Variants in QRICH1 observed in about 807,000 individuals in gnomAD.
QRICH1 encodes transcriptional regulator QRICH1.
A neutral mutation model predicts 87.1 loss-of-function variants in QRICH1; 16 were observed. That is an observed-to-expected ratio of 0.18 (90% CI 0.12 to 0.28). QRICH1 has a LOEUF of 0.28. Among genes scored for constraint, QRICH1 ranks in the 10% least tolerant of loss-of-function variants. The pLI is 1.00. For missense variants in QRICH1, 647 were observed against 951.7 expected (o/e 0.68, Z 4.21); for synonymous variants, 367 against 368.4 (o/e 1.00, Z 0.05).
chr3:49,034,079 T>TTTATTATTATTATTATTATTATTATTA (rs10691654), intron 6 of QRICH1, among the ~76,000 whole-genome samples: 2 of 147,184 alleles, frequency 1.4e-5, no homozygotes, highest in African/African-American at 5.0e-5. Context: ...TTTGGGGGAT[T>TTTATTATTATTATTATTATTATTATTA]TTATTATTAT....
In QRICH1 at chr3:49,029,962, T is replaced by TGAAGTTCCC. The variant is rs1365810517; in HGVS notation, c.*481_*489dup. ...GAAATTGTCTTTAATAAATCATAATTGAAGTTCCCCTCATTTTTCTTCCAT... is the reference window on the plus strand; with the variant it reads ...GAAATTGTCTTTAATAAATCATAATTGAAGTTCCCGAAGTTCCCCTCATTTTTCTTCCAT... On this transcript the variant is annotated 3_prime_UTR_variant, in exon 10 of 10. Coordinates refer to ENST00000395443, the MANE Select transcript of QRICH1 (RefSeq NM_198880.3). 2 of 185,494 alleles carry TGAAGTTCCC rather than the reference T, an allele frequency of 1.1e-5. No individual in the cohort carries two copies. The highest frequency in any genetic ancestry group is 2.2e-5 in the Non-Finnish European group (2 of 89,454). The allele number at this position is 185,494 out of a possible 1,614,324, so 11.5% of individuals were successfully genotyped here.
At chr3:49,043,496 CAAAAAAAAAAAAA>C (rs57402124) in intron 6 of QRICH1, among the ~76,000 whole-genome samples, 1 of 37,620 alleles carries the variant, frequency 2.7e-5, no homozygotes, top group African/African-American at 1.2e-4. Context: ...AACTCTGTCT[CAAAAAAAAAAAAA>C]AAAAAAAAAA....
At chr3:49,044,032 G>A (rs1282068576) in intron 6 of QRICH1, among the ~76,000 whole-genome samples, 2 of 152,192 alleles carry the variant, frequency 1.3e-5, no homozygotes, top group African/African-American at 4.8e-5. Context: ...AATAGAACAT[G>A]CTGTCCAGAA....
intron 3 of QRICH1, among the ~76,000 whole-genome samples, chr3:49,052,295 A>G (rs1575342341): frequency 6.6e-6 from 1 of 152,284 alleles, no homozygotes; most frequent in East Asian, 1.9e-4. Flanking sequence ...TTTCTGAGAC[A>G]AGGAAGTTTG....
chr3:49,050,869 T>C (rs2093366515), intron 3 of QRICH1, among the ~76,000 whole-genome samples: 1 of 152,106 alleles, frequency 6.6e-6, no homozygotes, highest in Non-Finnish European at 1.5e-5. Flanking sequence ...GAGTGACCCA[T>C]GCAGACATCC....
intron 1 of QRICH1, 51 bp downstream of exon 1, chr3:49,093,861 C>A (rs1336191324): frequency 2.6e-6 from 1 of 380,244 alleles, no homozygotes; most frequent in Non-Finnish European, 4.7e-6. Flanking sequence ...GTGGGCCCCC[C>A]GTCTCAGGCC....
At chr3:49,065,779 C>T (rs1423286464) in intron 2 of QRICH1, among the ~76,000 whole-genome samples, 1 of 151,734 alleles carries the variant, frequency 6.6e-6, no homozygotes, top group African/African-American at 2.4e-5. Flanking sequence ...TTCCCGGGTT[C>T]ACGCCATTCT....
intron 6 of QRICH1, among the ~76,000 whole-genome samples, chr3:49,038,066 GA>G (rs1288377412): frequency 5.3e-5 from 8 of 151,196 alleles, no homozygotes; most frequent in Non-Finnish European, 7.4e-5. Context: ...ATAAAGGGTA[GA>G]TTTTTTTTTT....
Position 49,068,878 on chromosome 3 carries a change from A to T in QRICH1, c.309+7831T>A, listed in dbSNP as rs1208899080. On this transcript the variant is annotated intron_variant, in intron 2 of 9. Coordinates refer to ENST00000395443, the MANE Select transcript of QRICH1 (RefSeq NM_198880.3). ...ACTCCTGAGCTCAAGCAATCCACTC[A>T]CCTTGGCCTCCCAAAATGCTGGGAT... Among the ~76,000 whole-genome samples, 4 of 151,414 alleles carry T rather than the reference A, an allele frequency of 2.6e-5. No homozygotes were observed. The East Asian group carries it at 7.8e-4, about 30-fold the overall frequency.
At chr3:49,032,106 G>C in intron 9 of QRICH1, 77 bp downstream of exon 9, 1 of 1,183,334 alleles carries the variant, frequency 8.5e-7, no homozygotes, top group Non-Finnish European at 1.3e-6. Context: ...CCTATGATAA[G>C]TGATCACACA....
rs2042330922 is a variant in QRICH1 at position 49,093,926 on chromosome 3, G to A, written c.-36C>T. The stretch of plus-strand genomic sequence containing the variant: ...GGAGCCCTCACCCGGCGACGTCACT[G>A]CCGCCGCCGCCGCCGCCTCCGCTGC... On this transcript the variant is annotated 5_prime_UTR_variant, in exon 1 of 10. Coordinates refer to ENST00000395443, the MANE Select transcript of QRICH1 (RefSeq NM_198880.3). 4 of 365,932 alleles carry A rather than the reference G, an allele frequency of 1.1e-5. No individual in the cohort carries two copies. The highest frequency in any genetic ancestry group is 4.0e-5 in the East Asian group (1 of 25,188). 22.7% of individuals were successfully genotyped at this position (365,932 alleles called of 1,614,324 possible).
chr3:49,088,645 A>T, intron 1 of QRICH1, among the ~76,000 whole-genome samples: 1 of 133,320 alleles, frequency 7.5e-6, no homozygotes, highest in South Asian at 2.5e-4. Flanking sequence ...TTTTTTAATG[A>T]GACAAGGTCT....
intron 3 of QRICH1, among the ~76,000 whole-genome samples, chr3:49,056,339 G>A (rs2093402415): frequency 6.6e-6 from 1 of 152,092 alleles, no homozygotes; most frequent in Non-Finnish European, 1.5e-5. Flanking sequence ...GCCTCCCAAT[G>A]GTGATCACTT....
chr3:49,055,821 G>T lies in QRICH1; in HGVS notation c.1338+1041C>A, dbSNP rs542679192. ...CTGAGTAGGATTACCTGGGATTATA[G>T]GTGTGTGCCACCACACCCGGCTAAT... On this transcript the variant is annotated intron_variant, in intron 3 of 9. Transcript: ENST00000395443. Among the ~76,000 whole-genome samples, 300 of 151,426 alleles carry T rather than the reference G, an allele frequency of 2.0e-3. 2 individuals are homozygous for T. Among genetic ancestry groups the T allele is most frequent in the Admixed American group, 0.011 (173 of 15,174 alleles).
intron 3 of QRICH1, among the ~76,000 whole-genome samples, chr3:49,056,075 A>C (rs2093400626): frequency 6.6e-6 from 1 of 152,090 alleles, no homozygotes; most frequent in Non-Finnish European, 1.5e-5. Flanking sequence ...TCCTGGGTTC[A>C]AGTGATTCTC....
intron 2 of QRICH1, among the ~76,000 whole-genome samples, chr3:49,069,543 ATTTT>A (rs372639913): frequency 8.1e-6 from 1 of 122,792 alleles, no homozygotes; most frequent in Non-Finnish European, 1.6e-5. Context: ...ATGGGGGGGA[ATTTT>A]TTTTTTTTTT....
intron 2 of QRICH1, among the ~76,000 whole-genome samples, chr3:49,063,523 T>C (rs144594769): frequency 1.3e-5 from 2 of 152,338 alleles, no homozygotes; most frequent in Admixed American, 1.3e-4. Context: ...GGCATCGTGG[T>C]CATGCCTGTA....
At position 49,033,082 on chromosome 3, in the gene QRICH1, T is replaced by C. The variant is rs377085196; in HGVS notation, c.1895+38A>G. The stretch of plus-strand genomic sequence containing the variant: ...CTTGGATAGCTTCCACACTCTTCAC[T>C]GGACAGATGCCAGCAGTGGAGCCTC... On this transcript the variant is annotated intron_variant, in intron 7 of 9. Coordinates refer to ENST00000395443, the MANE Select transcript of QRICH1 (RefSeq NM_198880.3). The C allele has an allele frequency of 2.6e-4, 366 of 1,391,048 alleles. No homozygotes were observed. The highest frequency in any genetic ancestry group is 3.7e-4 in the Middle Eastern group (2 of 5,348). 86.2% of individuals were successfully genotyped at this position (1,391,048 alleles called of 1,614,324 possible).
At chr3:49,038,399 T>C (rs1233276402) in intron 6 of QRICH1, among the ~76,000 whole-genome samples, 1 of 151,780 alleles carries the variant, frequency 6.6e-6, no homozygotes, top group African/African-American at 2.4e-5. Flanking sequence ...TGGATTTACC[T>C]TTTTTGTTGA....
Sources: gnomAD v4.1 joint callset for allele counts (sites outside exome capture counted in the v4.1 genomes callset) on GRCh38, gnomAD v4.1.1 for gene constraint, MANE v1.5 for transcripts, NCBI Gene and HGNC (gene_info 2026-07-23, HGNC 2026-07-21) for gene names.